The following PDE3B variants were observed in gnomAD, a reference collection of about 807,000 sequenced individuals.
PDE3B encodes phosphodiesterase 3B, also known as cGMP-inhibited 3',5'-cyclic phosphodiesterase 3B.
PDE3B carries 66 observed loss-of-function variants against 116.8 expected under a neutral mutation model. That is an observed-to-expected ratio of 0.56 (90% CI 0.46 to 0.69). The LOEUF (loss-of-function observed/expected upper bound fraction) is 0.69, where lower values mean the gene tolerates loss of function less well. Among genes scored for constraint, PDE3B ranks in the 30% least tolerant of loss-of-function variants. The pLI, the probability that PDE3B is intolerant of heterozygous loss-of-function variation, is 0.00. For missense variants in PDE3B, 1,384 were observed against 1,368.1 expected (o/e 1.01, Z -0.18); for synonymous variants, 595 against 533.6 (o/e 1.12, Z -1.59).
chr11:14,872,889 AAGTGGACCCATGG>A (rs1339329007), downstream of PDE3B, among the ~76,000 whole-genome samples: 5 of 152,186 alleles, frequency 3.3e-5, no homozygotes, highest in Admixed American at 2.6e-4. Flanking sequence ...CTCCACATAT[AAGTGGACCCATGG>A]AGTTCGAACC....
chr11:14,727,384 T>G (rs945733441), intron 1 of PDE3B, among the ~76,000 whole-genome samples: 2 of 152,128 alleles, frequency 1.3e-5, no homozygotes, highest in African/African-American at 4.8e-5. Context: ...GATCTAAGGA[T>G]CTGAGGTTCA....
chr11:14,841,967 A>G (rs1196443772), intron 11 of PDE3B, among the ~76,000 whole-genome samples: 2 of 145,884 alleles, frequency 1.4e-5, no homozygotes, highest in African/African-American at 5.1e-5. Flanking sequence ...TTTTTTTTCT[A>G]TTTCTCTAAA....
chr11:14,739,101 C>T (rs1357008044), intron 1 of PDE3B, among the ~76,000 whole-genome samples: 1 of 152,068 alleles, frequency 6.6e-6, no homozygotes, highest in Non-Finnish European at 1.5e-5. Flanking sequence ...TTTTGGGTTT[C>T]ATGTGAAATT....
At chr11:14,673,567 G>A (rs1183347305) in intron 1 of PDE3B, 2 of 527,518 alleles carry the variant, frequency 3.8e-6, no homozygotes, top group African/African-American at 3.8e-5. Context: ...AAACATAAGT[G>A]AGTGAGAGCG....
the PDE3B span, chr11:14,878,449 A>G: frequency 1.2e-6 from 1 of 810,892 alleles, no homozygotes; most frequent in South Asian, 1.8e-5. Flanking sequence ...ATCTCAAAGA[A>G]TAGAAATTGA....
At chr11:14,725,419 TC>T (rs1224455354) in intron 1 of PDE3B, among the ~76,000 whole-genome samples, 1 of 145,778 alleles carries the variant, frequency 6.9e-6, no homozygotes, top group Non-Finnish European at 1.5e-5. Context: ...CTTTTTCTTT[TC>T]CCTTCCTTCC....
intron 14 of PDE3B, among the ~76,000 whole-genome samples, chr11:14,863,403 T>C (rs1270891269): frequency 2.0e-5 from 3 of 152,230 alleles, no homozygotes; most frequent in Non-Finnish European, 4.4e-5. Flanking sequence ...TAAGAGGTTA[T>C]CCCATTGTGG....
intron 1 of PDE3B, among the ~76,000 whole-genome samples, chr11:14,664,930 A>G (rs1459911137): frequency 1.3e-5 from 2 of 152,224 alleles, no homozygotes; most frequent in Admixed American, 6.5e-5. Context: ...GACCAGCATC[A>G]TCCTGATACC....
At position 14,831,767 on chromosome 11, in the gene PDE3B, T is replaced by A; in HGVS notation, c.2084T>A (p.Ile695Asn). 1 of 1,602,322 alleles carries A rather than the reference T, an allele frequency of 6.2e-7. No homozygotes were observed. Among genetic ancestry groups the A allele is most frequent in the East Asian group, 2.3e-5 (1 of 44,394 alleles). Residue 695 changes from isoleucine (I) to asparagine (N), a missense_variant, in exon 9 of 16, where the codon ATT becomes AAT. Around this residue, in one of 2 missense-constraint regions of PDE3B, gnomAD observed 428 missense variants for 561.4 expected, o/e 0.76. Transcript: ENST00000282096. ...VEKMGEKSGR[I>N]LSQVMYTLFQ... is the part of the protein sequence containing the mutation. ...AAGATGGGAGAGAAATCAGGAAGGA[T>A]TCTCAGTCAGGTTTGCTTTCAAATA...
At chr11:14,706,057 G>A (rs1314150838) in intron 1 of PDE3B, among the ~76,000 whole-genome samples, 1 of 151,776 alleles carries the variant, frequency 6.6e-6, no homozygotes, top group African/African-American at 2.4e-5. Context: ...TGGCCATGTT[G>A]TTAGACTGTT....
chr11:14,692,035 A>G (rs1855053262), intron 1 of PDE3B, among the ~76,000 whole-genome samples: 1 of 152,122 alleles, frequency 6.6e-6, no homozygotes. Flanking sequence ...TGGGAGGCTG[A>G]GGTGGGAGAA....
chr11:14,850,050 G>C (rs1180842294), intron 12 of PDE3B, among the ~76,000 whole-genome samples: 2 of 152,108 alleles, frequency 1.3e-5, no homozygotes, highest in African/African-American at 4.8e-5. Context: ...TATGTTTATT[G>C]CGGCATTATT....
At chr11:14,851,649 A>G (rs1396036811) in intron 12 of PDE3B, among the ~76,000 whole-genome samples, 1 of 152,118 alleles carries the variant, frequency 6.6e-6, no homozygotes, top group Non-Finnish European at 1.5e-5. Context: ...GTAGTTGCCC[A>G]CTTTCTAAGT....
At chr11:14,862,161 C>T (rs1198660781) in intron 14 of PDE3B, among the ~76,000 whole-genome samples, 1 of 152,178 alleles carries the variant, frequency 6.6e-6, no homozygotes, top group African/African-American at 2.4e-5. Context: ...ACTGCCTTTC[C>T]CTGGTGCCAG....
intron 1 of PDE3B, among the ~76,000 whole-genome samples, chr11:14,671,579 T>G (rs1057350660): frequency 1.3e-5 from 2 of 152,144 alleles, no homozygotes; most frequent in Non-Finnish European, 1.5e-5. Flanking sequence ...TAAAAAAGAT[T>G]ATTCTTGCTT....
chr11:14,829,907 C>T (rs1565155585), intron 7 of PDE3B, among the ~76,000 whole-genome samples: 1 of 152,084 alleles, frequency 6.6e-6, no homozygotes, highest in South Asian at 2.1e-4. Context: ...CATCATGACC[C>T]CTTCCAATCA....
At chr11:14,787,995 T>A (rs1858263567) in intron 3 of PDE3B, among the ~76,000 whole-genome samples, 1 of 151,888 alleles carries the variant, frequency 6.6e-6, no homozygotes, top group Non-Finnish European at 1.5e-5. Flanking sequence ...ATTTTAAACA[T>A]AATATTAATT....
chr11:14,731,533 C>T (rs1173779270), intron 1 of PDE3B, among the ~76,000 whole-genome samples: 4 of 152,130 alleles, frequency 2.6e-5, no homozygotes, highest in Non-Finnish European at 5.9e-5. Context: ...GCTGAGATTA[C>T]AGGTGTGAGC....
intron 1 of PDE3B, among the ~76,000 whole-genome samples, chr11:14,757,396 T>C (rs1387493844): frequency 6.6e-6 from 1 of 150,622 alleles, no homozygotes; most frequent in African/African-American, 2.5e-5. Context: ...CCACAATGGT[T>C]GAACTAGTTT....
Sources: allele counts gnomAD v4.1 joint callset (sites outside exome capture counted in the v4.1 genomes callset), GRCh38; gene constraint gnomAD v4.1.1; regional missense constraint gnomAD v4.1.1; transcripts MANE v1.5; gene names NCBI Gene and HGNC (gene_info 2026-07-23, HGNC 2026-07-21).